NXPE2: variants seen among roughly 807,000 people sequenced by gnomAD.
The protein encoded by NXPE2 is NXPE family member 2.
NXPE2 carries 34 observed loss-of-function variants against 34.4 expected under a neutral mutation model. The ratio of observed to expected loss-of-function variants is 0.99; its 90% CI spans 0.75 to 1.31. The LOEUF is 1.31. NXPE2 is among the 40% of genes most tolerant of loss of function. NXPE2 has a pLI of 0.00. For missense variants in NXPE2, 649 were observed against 672.5 expected, an observed-to-expected ratio of 0.97 and a Z score of 0.39; for synonymous variants, 235 against 231.3, an observed-to-expected ratio of 1.02 and a Z score of -0.15.
the NXPE2 span, among the ~76,000 whole-genome samples, chr11:114,632,541 T>C: frequency 1.5e-4 from 18 of 120,058 alleles, no homozygotes; most frequent in Non-Finnish European, 2.6e-4. Context: ...ATATTTATTA[T>C]ATATGTATAT....
At chr11:114,574,960 C>A in the NXPE2 span, among the ~76,000 whole-genome samples, 3 of 151,996 alleles carry the variant, frequency 2.0e-5, no homozygotes, top group Non-Finnish European at 2.9e-5. Flanking sequence ...ACTAGCTAAC[C>A]AAATCCAATG....
the NXPE2 span, among the ~76,000 whole-genome samples, chr11:114,622,431 C>A: frequency 6.6e-6 from 1 of 151,684 alleles, no homozygotes; most frequent in African/African-American, 2.4e-5. Context: ...ATAAGTGTTG[C>A]CTTCTGCGTA....
the NXPE2 span, among the ~76,000 whole-genome samples, chr11:114,666,456 G>A: frequency 2.4e-4 from 36 of 151,982 alleles, no homozygotes; most frequent in African/African-American, 3.1e-4. Flanking sequence ...AGTATAAAAC[G>A]TGTATCCTCA....
intron 2 of NXPE2, among the ~76,000 whole-genome samples, chr11:114,693,035 C>T (rs1171838903): frequency 6.6e-6 from 1 of 152,202 alleles, no homozygotes; most frequent in Non-Finnish European, 1.5e-5. Flanking sequence ...AAAAGCTTAA[C>T]TCTTTTTCTC....
chr11:114,751,978 A>G, the NXPE2 span, among the ~76,000 whole-genome samples: 4 of 152,346 alleles, frequency 2.6e-5, no homozygotes, highest in African/African-American at 9.6e-5. Flanking sequence ...CAGCCTCTAG[A>G]ATATGGAAAA....
the NXPE2 span, among the ~76,000 whole-genome samples, chr11:114,619,587 T>C: frequency 6.6e-6 from 1 of 150,486 alleles, no homozygotes; most frequent in Non-Finnish European, 1.5e-5. Flanking sequence ...TGTTGCCTCG[T>C]GGGTAACCAG....
At chr11:114,643,158 C>T in the NXPE2 span, among the ~76,000 whole-genome samples, 2 of 151,812 alleles carry the variant, frequency 1.3e-5, no homozygotes, top group Non-Finnish European at 2.9e-5. Flanking sequence ...GGATATTAGC[C>T]CTTTGTCAGA....
the NXPE2 span, among the ~76,000 whole-genome samples, chr11:114,776,580 C>G: frequency 6.6e-6 from 1 of 152,342 alleles, no homozygotes; most frequent in South Asian, 2.1e-4. Context: ...GTGCGCACAT[C>G]TGGGAGAAGC....
the NXPE2 span, among the ~76,000 whole-genome samples, chr11:114,523,768 C>G: frequency 6.6e-6 from 1 of 152,130 alleles, no homozygotes; most frequent in African/African-American, 2.4e-5. Context: ...AAAGGGCATC[C>G]AATTTCTCCT....
chr11:114,672,958 A>C, the NXPE2 span, among the ~76,000 whole-genome samples: 110 of 151,384 alleles, frequency 7.3e-4, no homozygotes, highest in African/African-American at 2.5e-3. Context: ...TAGACCACAC[A>C]GATGTCTATA....
chr11:114,516,022 T>C, the NXPE2 span, among the ~76,000 whole-genome samples: 2 of 152,208 alleles, frequency 1.3e-5, no homozygotes, highest in Non-Finnish European at 2.9e-5. Flanking sequence ...ATGTTCCTTT[T>C]ACAGATTAGG....
the NXPE2 span, among the ~76,000 whole-genome samples, chr11:114,719,633 T>C: frequency 0.037 from 5,580 of 152,340 alleles, 357 homozygotes; most frequent in African/African-American, 0.13. Context: ...CCAGGCCTAA[T>C]GGACAATCTG....
chr11:114,609,244 A>T, the NXPE2 span, among the ~76,000 whole-genome samples: 1 of 151,380 alleles, frequency 6.6e-6, no homozygotes, highest in Admixed American at 6.6e-5. Flanking sequence ...AACCACTCTT[A>T]CCCAGTGGTT....
At chr11:114,506,112 T>TAAAAAAAAAA in the NXPE2 span, among the ~76,000 whole-genome samples, 2 of 134,432 alleles carry the variant, frequency 1.5e-5, no homozygotes, top group African/African-American at 2.7e-5. Flanking sequence ...CAAGAAATAT[T>TAAAAAAAAAA]AAAAAAAAAA....
At chr11:114,485,958 G>A in the NXPE2 span, among the ~76,000 whole-genome samples, 1 of 152,194 alleles carries the variant, frequency 6.6e-6, no homozygotes, top group Non-Finnish European at 1.5e-5. Context: ...AAACATGAGA[G>A]TGCAGATATT....
the NXPE2 span, among the ~76,000 whole-genome samples, chr11:114,640,091 A>G: frequency 2.2e-5 from 2 of 92,760 alleles, no homozygotes; most frequent in Non-Finnish European, 4.3e-5. Flanking sequence ...ATAATGTAAT[A>G]TAATATATGA....
At chr11:114,632,437 T>A in the NXPE2 span, among the ~76,000 whole-genome samples, 1 of 130,648 alleles carries the variant, frequency 7.7e-6, no homozygotes, top group Non-Finnish European at 1.6e-5. Context: ...TATAAATATA[T>A]AATATATAAT....
At chr11:114,653,242 G>C in the NXPE2 span, among the ~76,000 whole-genome samples, 1 of 152,128 alleles carries the variant, frequency 6.6e-6, no homozygotes, top group African/African-American at 2.4e-5. Context: ...AGGTGCAAAA[G>C]GCAATGTAAG....
At chr11:114,712,657 C>T in the NXPE2 span, among the ~76,000 whole-genome samples, 1 of 152,148 alleles carries the variant, frequency 6.6e-6, no homozygotes, top group Non-Finnish European at 1.5e-5. Flanking sequence ...AACCTTTGTG[C>T]ACTGTGAGTG....
Sources: allele counts gnomAD v4.1 joint callset (sites outside exome capture counted in the v4.1 genomes callset), GRCh38; gene constraint gnomAD v4.1.1; transcripts MANE v1.5; gene names NCBI Gene and HGNC (gene_info 2026-07-23, HGNC 2026-07-21).